EYS: variants seen among roughly 807,000 people sequenced by gnomAD.
The protein encoded by EYS is protein eyes shut homolog.
EYS carries 250 observed loss-of-function variants against 282.1 expected under a neutral mutation model. The observed-to-expected ratio is 0.89, with a 90% confidence interval of 0.80 to 0.98. The LOEUF is 0.98. Among genes scored for constraint, EYS ranks in the 50% least tolerant of loss-of-function variants. The pLI is 0.00. For missense variants in EYS, 4,016 were observed against 3,709.0 expected (o/e 1.08, Z -2.15); for synonymous variants, 1,355 against 1,282.9 (o/e 1.06, Z -1.20).
intron 35 of EYS, among the ~76,000 whole-genome samples, chr6:63,873,344 A>G (rs1397288046): frequency 1.3e-5 from 2 of 151,986 alleles, no homozygotes; most frequent in African/African-American, 2.4e-5. Flanking sequence ...ATCCTTTTTT[A>G]TGGCTGCATA....
chr6:64,469,636 G>A (rs529699535), intron 26 of EYS, among the ~76,000 whole-genome samples: 125 of 152,162 alleles, frequency 8.2e-4, no homozygotes, highest in Non-Finnish European at 1.4e-3. Context: ...CTTGCCAAGC[G>A]GACCGTAGTC....
chr6:64,167,866 G>A (rs565507969), intron 31 of EYS, among the ~76,000 whole-genome samples: 1 of 151,982 alleles, frequency 6.6e-6, no homozygotes, highest in African/African-American at 2.4e-5. Context: ...ATATATGAGC[G>A]GCATTATGTA....
At chr6:65,105,495 T>G (rs2150185547) in intron 12 of EYS, among the ~76,000 whole-genome samples, 1 of 152,052 alleles carries the variant, frequency 6.6e-6, no homozygotes, top group Non-Finnish European at 1.5e-5. Flanking sequence ...TGGTTTTCAT[T>G]TAATTTTTAT....
intron 41 of EYS, among the ~76,000 whole-genome samples, chr6:63,735,041 T>C (rs1768874584): frequency 1.3e-5 from 2 of 152,098 alleles, no homozygotes; most frequent in South Asian, 4.1e-4. Context: ...GAATTGATAT[T>C]ATATTTACAT....
At position 63,754,309 on chromosome 6, in the gene EYS, A is replaced by G. The variant is rs1368216011; in HGVS notation, c.8071+8152T>C. ...CTGCACCCATCTACTTGTCGTTTAC[A>G]TTAGGTATTTCTCTGAACACTATCC... On this transcript the variant is annotated intron_variant, in intron 41 of 42. Coordinates refer to ENST00000503581, the MANE Select transcript of EYS (RefSeq NM_001142800.2). 2.0e-5 allele frequency among the ~76,000 whole-genome samples: 3 copies of G among 152,052 alleles called. No homozygotes were observed. The East Asian group carries it at 5.8e-4, about 29-fold the overall frequency.
At chr6:64,815,575 C>T (rs1764722484) in intron 21 of EYS, among the ~76,000 whole-genome samples, 2 of 151,984 alleles carry the variant, frequency 1.3e-5, no homozygotes, top group African/African-American at 4.8e-5. Context: ...CTTGATCTTT[C>T]CTGGTTTAAA....
chr6:65,212,505 T>C (rs1192780151), intron 12 of EYS, among the ~76,000 whole-genome samples: 3 of 152,156 alleles, frequency 2.0e-5, no homozygotes, highest in African/African-American at 4.8e-5. Flanking sequence ...CCACTAGTTA[T>C]GTGTTACTAT....
At chr6:64,248,070 T>C (rs1767073489) in intron 30 of EYS, among the ~76,000 whole-genome samples, 1 of 152,140 alleles carries the variant, frequency 6.6e-6, no homozygotes, top group Non-Finnish European at 1.5e-5. Flanking sequence ...CAAAGAAGTC[T>C]GTGATGTTAG....
chr6:65,113,739 T>G (rs539829962), intron 12 of EYS, among the ~76,000 whole-genome samples: 1 of 151,460 alleles, frequency 6.6e-6, no homozygotes, highest in Non-Finnish European at 1.5e-5. Flanking sequence ...ACAAAGCAAT[T>G]TACTGGTTTT....
intron 5 of EYS, among the ~76,000 whole-genome samples, chr6:65,428,908 C>G (rs1031879377): frequency 6.6e-6 from 1 of 152,062 alleles, no homozygotes; most frequent in Non-Finnish European, 1.5e-5. Flanking sequence ...CTGAGCCGGG[C>G]GTGGTGGCTC....
intron 32 of EYS, among the ~76,000 whole-genome samples, chr6:64,069,397 T>C (rs543029604): frequency 6.6e-6 from 1 of 152,180 alleles, no homozygotes; most frequent in African/African-American, 2.4e-5. Context: ...GTTTTTCCAT[T>C]CCCTACTTTT....
chr6:63,836,554 G>A (rs558837842), intron 36 of EYS, among the ~76,000 whole-genome samples: 26 of 151,810 alleles, frequency 1.7e-4, no homozygotes, highest in African/African-American at 5.1e-4. Flanking sequence ...AATGGTCAGC[G>A]GTAGAAAAAG....
chr6:65,115,452 C>A (rs1318135378), intron 12 of EYS, among the ~76,000 whole-genome samples: 1 of 151,922 alleles, frequency 6.6e-6, no homozygotes, highest in African/African-American at 2.4e-5. Flanking sequence ...TACTTAATTT[C>A]TACTATATTC....
intron 22 of EYS, among the ~76,000 whole-genome samples, chr6:64,697,547 A>C (rs2149920800): frequency 6.6e-6 from 1 of 152,304 alleles, no homozygotes; most frequent in South Asian, 2.1e-4. Flanking sequence ...AACCTAACAG[A>C]CATTTACAGA....
chr6:64,020,158 G>A (rs1418311523), intron 33 of EYS, among the ~76,000 whole-genome samples: 1 of 151,994 alleles, frequency 6.6e-6, no homozygotes, highest in East Asian at 1.9e-4. Context: ...TAGCAGAGTA[G>A]GGTGACTATA....
intron 29 of EYS, among the ~76,000 whole-genome samples, chr6:64,347,079 A>T (rs985601927): frequency 3.0e-4 from 46 of 151,388 alleles, no homozygotes; most frequent in African/African-American, 1.0e-3. Flanking sequence ...TCATGTGGGG[A>T]CAAAAAAGAA....
intron 1 of EYS, among the ~76,000 whole-genome samples, chr6:65,651,961 A>T (rs2149819598): frequency 6.6e-6 from 1 of 152,158 alleles, no homozygotes; most frequent in Non-Finnish European, 1.5e-5. Flanking sequence ...CATATAAAAG[A>T]TTCTTTTTTT....
At chr6:63,953,500 G>A (rs1183396589) in intron 35 of EYS, among the ~76,000 whole-genome samples, 2 of 152,032 alleles carry the variant, frequency 1.3e-5, no homozygotes, top group African/African-American at 4.8e-5. Flanking sequence ...AAAAACAAAT[G>A]TGCTCTCCCT....
intron 13 of EYS, among the ~76,000 whole-genome samples, chr6:65,009,352 A>G (rs1441181621): frequency 6.6e-6 from 1 of 152,074 alleles, no homozygotes; most frequent in East Asian, 1.9e-4. Flanking sequence ...GATAATAGAG[A>G]TTAGTGTAAC....
Sources: allele counts gnomAD v4.1 joint callset (sites outside exome capture counted in the v4.1 genomes callset), GRCh38; gene constraint gnomAD v4.1.1; transcripts MANE v1.5; gene names NCBI Gene and HGNC (gene_info 2026-07-23, HGNC 2026-07-21).